Variants in HTR3E observed in about 807,000 individuals in gnomAD.
HTR3E encodes the protein 5-hydroxytryptamine receptor 3E.
HTR3E carries 38 observed loss-of-function variants against 38.0 expected under a neutral mutation model. The observed-to-expected ratio is 1.00, with a 90% CI of 0.77 to 1.31. The LOEUF is 1.31. HTR3E is among the 50% of genes most tolerant of loss of function. The pLI is 0.00. For missense variants in HTR3E, 547 were observed against 585.2 expected, an observed-to-expected ratio of 0.93 and a Z score of 0.67; for synonymous variants, 210 against 232.9, an observed-to-expected ratio of 0.90 and a Z score of 0.89.
At chr3:184,100,923 C>T (rs1159574604) in intron 2 of HTR3E, among the ~76,000 whole-genome samples, 7 of 139,150 alleles carry the variant, frequency 5.0e-5, no homozygotes, top group Admixed American at 1.5e-4. Context: ...ACCCAAGCCT[C>T]GTTTTTGTTT....
At chr3:184,101,899 A>C (rs1712069094) in intron 3 of HTR3E, among the ~76,000 whole-genome samples, 1 of 152,234 alleles carries the variant, frequency 6.6e-6, no homozygotes, top group Non-Finnish European at 1.5e-5. Flanking sequence ...CTGAAGCAGG[A>C]AAATCACTTG....
chr3:184,106,116 C>A lies in HTR3E; in HGVS notation c.926-12C>A. 6.2e-7 allele frequency: 1 copy of A among 1,613,638 alleles called. No homozygotes were observed. Among genetic ancestry groups the A allele is most frequent in the South Asian group, 1.1e-5 (1 of 91,046 alleles). Reference sequence around the variant, plus strand: ...GTGCCTCTGGCCCTCACTAGGCCCCCCTTCCCTCCAGGTGTCTACTTCGCC... The same window carrying A: ...GTGCCTCTGGCCCTCACTAGGCCCCACTTCCCTCCAGGTGTCTACTTCGCC... On this transcript the variant is annotated splice_polypyrimidine_tract_variant and intron_variant, in intron 7 of 8. Transcript: ENST00000415389. This position sits in a 1 kb window ranked among gnomAD's most constrained non-coding sequence, Gnocchi z 4.1.
At position 184,106,803 on chromosome 3, in the gene HTR3E, G is replaced by A. The variant is rs1712495652; in HGVS notation, c.*110G>A. 1 of 1,089,586 alleles carries A rather than the reference G, an allele frequency of 9.2e-7. No homozygotes were observed. The highest frequency in any genetic ancestry group is 1.5e-5 in the South Asian group (1 of 68,074). The allele number at this position is 1,089,586 out of a possible 1,614,324, so 67.5% of individuals were successfully genotyped here. A position where few individuals can be genotyped will look rare whatever the true frequency, so the allele number is the denominator to read the frequency against. On this transcript the variant is annotated 3_prime_UTR_variant, in exon 9 of 9. Coordinates refer to ENST00000415389, the MANE Select transcript of HTR3E (RefSeq NM_001256613.2). The surrounding 1 kb of genome is among the most constrained non-coding windows in gnomAD (Gnocchi z 4.1). Reference sequence around the variant, plus strand: ...CTATCATATCCCCAAAGATGACTGAGTCTCTGCTGTATTCCATGTATCCCA... The same window carrying A: ...CTATCATATCCCCAAAGATGACTGAATCTCTGCTGTATTCCATGTATCCCA...
chr3:184,106,622 A>C lies in HTR3E; in HGVS notation c.1300A>C (p.Met434Leu), dbSNP rs201327610. The change falls in exon 9 of 9, where the codon ATG becomes CTG. Residue 434 changes from methionine to leucine, a missense_variant. By Grantham distance (15) the Met-to-Leu change is conservative. Transcript: ENST00000415389. This position sits in a 1 kb window ranked among gnomAD's most constrained non-coding sequence, Gnocchi z 4.1. Reference protein sequence around the residue: ...WLQFSHAMDAMLFRLYLLFMA... With the variant: ...WLQFSHAMDALLFRLYLLFMA... ...GCAGTTCAGCCACGCGATGGACGCC[A>C]TGCTCTTCCGCCTCTACCTGCTCTT... 8.5e-5 allele frequency: 138 copies of C among 1,614,182 alleles called. 1 individual carries two copies. Among genetic ancestry groups the C allele is most frequent in the Middle Eastern group, 3.3e-4 (2 of 6,062 alleles).
rs1712498644 is a variant in HTR3E at position 184,106,839 on chromosome 3, G to A, written c.*146G>A. The A allele has an allele frequency of 1.2e-6, 1 of 820,262 alleles. No individual in the cohort carries two copies. The highest frequency in any genetic ancestry group is 2.6e-5 in the East Asian group (1 of 38,340). 50.8% of individuals were successfully genotyped at this position (820,262 alleles called of 1,614,324 possible). On this transcript the variant is annotated 3_prime_UTR_variant, in exon 9 of 9. Coordinates refer to ENST00000415389, the MANE Select transcript of HTR3E (RefSeq NM_001256613.2). This position sits in a 1 kb window ranked among gnomAD's most constrained non-coding sequence, Gnocchi z 4.1. The stretch of plus-strand genomic sequence containing the variant: ...ATTCCATGTATCCCAATCCGGTCCT[G>A]CTGATCAATTCCAATCCCAGACATT...
chr3:184,104,443 T>A, intron 4 of HTR3E, 152 bp downstream of exon 4: 1 of 1,259,600 alleles, frequency 7.9e-7, no homozygotes, highest in Non-Finnish European at 1.1e-6. Flanking sequence ...CAGTGGCTAA[T>A]GCCTGTAATC....
Position 184,105,879 on chromosome 3 carries a change from G to A in HTR3E, c.835G>A (p.Val279Ile). ...FYLPVKSGNR[V>I]PFKITLLLGY... Reference sequence around the variant, plus strand: ...CCTGCCAGTGAAAAGTGGGAATCGTGTCCCATTCAAGATAACGCTCCTGCT... The same window carrying A: ...CCTGCCAGTGAAAAGTGGGAATCGTATCCCATTCAAGATAACGCTCCTGCT... The change falls in exon 7 of 9, where the codon GTC (valine) becomes ATC (isoleucine). Residue 279 changes from valine (V) to isoleucine (I), a missense_variant. Transcript: ENST00000415389. 6.2e-7 allele frequency: 1 copy of A among 1,614,130 alleles called. No individual in the cohort carries two copies. The highest frequency in any genetic ancestry group is 8.5e-7 in the Non-Finnish European group (1 of 1,180,034).
Position 184,105,756 on chromosome 3 carries a change from C to T in HTR3E, c.721-9C>T. 6.2e-7 allele frequency: 1 copy of T among 1,609,972 alleles called. No homozygotes were observed. Among genetic ancestry groups the T allele is most frequent in the Non-Finnish European group, 8.5e-7 (1 of 1,176,338 alleles). The stretch of plus-strand genomic sequence containing the variant: ...CATAACTACTTACCACCCTCTCCTA[C>T]CCCACCAGGTGGCCATCAGGCGCAG... On this transcript the variant is annotated splice_polypyrimidine_tract_variant and intron_variant, in intron 6 of 8. Coordinates refer to ENST00000415389, the MANE Select transcript of HTR3E (RefSeq NM_001256613.2).
chr3:184,106,786 T>C lies in HTR3E; in HGVS notation c.*93T>C. On this transcript the variant is annotated 3_prime_UTR_variant, in exon 9 of 9. Coordinates refer to ENST00000415389, the MANE Select transcript of HTR3E (RefSeq NM_001256613.2). This position sits in a 1 kb window ranked among gnomAD's most constrained non-coding sequence, Gnocchi z 4.1. ...CCTTTCCTGAGTACCAACTATCATA[T>C]CCCCAAAGATGACTGAGTCTCTGCT... The C allele has an allele frequency of 8.0e-7, 1 of 1,248,490 alleles. No individual in the cohort carries two copies. The allele number at this position is 1,248,490 out of a possible 1,614,324, so 77.3% of individuals were successfully genotyped here.
chr3:184,106,775 C>A lies in HTR3E; in HGVS notation c.*82C>A. ...CAGGTCTCCCCCCTTTCCTGAGTAC[C>A]AACTATCATATCCCCAAAGATGACT... On this transcript the variant is annotated 3_prime_UTR_variant, in exon 9 of 9. Coordinates refer to ENST00000415389, the MANE Select transcript of HTR3E (RefSeq NM_001256613.2). This position sits in a 1 kb window ranked among gnomAD's most constrained non-coding sequence, Gnocchi z 4.1. 7.4e-7 allele frequency: 1 copy of A among 1,349,788 alleles called. No individual in the cohort carries two copies. The highest frequency in any genetic ancestry group is 1.0e-6 in the Non-Finnish European group (1 of 959,382). 83.6% of individuals were successfully genotyped at this position (1,349,788 alleles called of 1,614,324 possible). A position where few individuals can be genotyped will look rare whatever the true frequency, so the allele number is the denominator to read the frequency against.
chr3:184,104,043 A>T (rs1041459061), intron 3 of HTR3E, 139 bp from the exon 4 acceptor site: 2 of 514,942 alleles, frequency 3.9e-6, no homozygotes, highest in Non-Finnish European at 6.3e-6. Flanking sequence ...TTAATGCCAC[A>T]AAGTTGGGTT....
chr3:184,100,442 AG>A (rs1711961180), intron 1 of HTR3E, 42 bp from the exon 2 acceptor site: 1 of 1,614,140 alleles, frequency 6.2e-7, no homozygotes, highest in Non-Finnish European at 8.5e-7. Flanking sequence ...TAGGGAGCAC[AG>A]GGTTGCTCTC....
At position 184,106,374 on chromosome 3, in the gene HTR3E, C is replaced by A. The variant is rs771331442; in HGVS notation, c.1141+31C>A. ...GGAAGTCACATTCCTCTTCCCCCAC[C>A]TCCACTTCTCTGCTCCTGCCTCCTT... is the stretch of plus-strand genomic sequence containing the variant. On this transcript the variant is annotated intron_variant, in intron 8 of 8. Transcript: ENST00000415389. The surrounding 1 kb of genome is among the most constrained non-coding windows in gnomAD (Gnocchi z 4.1). 4 of 1,582,430 alleles carry A rather than the reference C, an allele frequency of 2.5e-6. No individual in the cohort carries two copies. The highest frequency in any genetic ancestry group is 3.7e-5 in the Admixed American group (2 of 54,538).
In HTR3E at chr3:184,101,475, C is replaced by G. The variant is rs1712041259; in HGVS notation, c.235-10C>G. The G allele has an allele frequency of 2.5e-6, 4 of 1,613,370 alleles. No individual in the cohort carries two copies. The highest frequency in any genetic ancestry group is 1.7e-5 in the Admixed American group (1 of 59,998). On this transcript the variant is annotated splice_polypyrimidine_tract_variant and intron_variant, in intron 2 of 8. Transcript: ENST00000415389. The stretch of plus-strand genomic sequence containing the variant: ...GGCAACATGATGGAAATAGGAAATT[C>G]TTTTGGCAGAATGAACAGCTGCACC...
chr3:184,103,542 T>C (rs1712195054), intron 3 of HTR3E, among the ~76,000 whole-genome samples: 1 of 147,460 alleles, frequency 6.8e-6, no homozygotes, highest in African/African-American at 2.5e-5. Flanking sequence ...GGCAGGAGAA[T>C]GGCCTGAACC....
Position 184,097,642 on chromosome 3 carries a change from C to G in HTR3E, c.67+46C>G, listed in dbSNP as rs772357240. On this transcript the variant is annotated intron_variant, in intron 1 of 8. Transcript: ENST00000415389. ...GGGGAAGGCGGAAGAAGGAGGACCT[C>G]TCTCTAGTAGAACATCTAGGAACTT... is the stretch of plus-strand genomic sequence containing the variant. 2.1e-5 allele frequency: 30 copies of G among 1,420,270 alleles called. No individual in the cohort carries two copies. In the South Asian group the frequency reaches 3.7e-4, roughly 17 times the overall value. 88.0% of individuals were successfully genotyped at this position (1,420,270 alleles called of 1,614,324 possible). A position where few individuals can be genotyped will look rare whatever the true frequency, so the allele number is the denominator to read the frequency against.
chr3:184,101,404 G>C lies in HTR3E; in HGVS notation c.235-81G>C, dbSNP rs564806778. ...ATCCCCTTTATATACCTTGGGAGTTGGTAAACAAGCATGGGAAGTGGGGGA... is the reference window on the plus strand; with the variant it reads ...ATCCCCTTTATATACCTTGGGAGTTCGTAAACAAGCATGGGAAGTGGGGGA... On this transcript the variant is annotated intron_variant, in intron 2 of 8. Transcript: ENST00000415389. 270 of 1,163,758 alleles carry C rather than the reference G, an allele frequency of 2.3e-4. No individual in the cohort carries two copies. In the Middle Eastern group the frequency reaches 2.9e-3, roughly 12 times the overall value. The allele number at this position is 1,163,758 out of a possible 1,614,324, so 72.1% of individuals were successfully genotyped here.
chr3:184,103,087 C>T (rs1712161318), intron 3 of HTR3E, among the ~76,000 whole-genome samples: 3 of 152,154 alleles, frequency 2.0e-5, no homozygotes, highest in South Asian at 2.1e-4. Context: ...CAAAGCATAA[C>T]CCAGTGGAAA....
At chr3:184,098,024 G>A (rs2108986706) in intron 1 of HTR3E, among the ~76,000 whole-genome samples, 1 of 152,278 alleles carries the variant, frequency 6.6e-6, no homozygotes, top group Admixed American at 6.5e-5. Flanking sequence ...CTACAGGTAT[G>A]AAACCCAAAC....
Sources: allele counts gnomAD v4.1 joint callset (sites outside exome capture counted in the v4.1 genomes callset), GRCh38; gene constraint gnomAD v4.1.1; non-coding constraint Gnocchi (gnomAD v3.1); transcripts MANE v1.5; gene names NCBI Gene and HGNC (gene_info 2026-07-23, HGNC 2026-07-21).